Variants in PDE10A observed in about 807,000 individuals in gnomAD.
PDE10A encodes cAMP and cAMP-inhibited cGMP 3',5'-cyclic phosphodiesterase 10A.
In PDE10A, 39 loss-of-function variants were observed where a neutral mutation model predicts 97.7. The observed-to-expected ratio is 0.40, with a 90% CI of 0.31 to 0.52. The LOEUF is 0.52. Among genes scored for constraint, PDE10A ranks in the 20% least tolerant of loss-of-function variants. PDE10A has a pLI of 0.56. For synonymous variants in PDE10A, 371 were observed against 376.8 expected (o/e 0.98, Z 0.18); for missense variants, 731 against 1,047.8 (o/e 0.70, Z 4.17).
At chr6:165,848,080 T>A (rs751975087) in intron 1 of PDE10A, among the ~76,000 whole-genome samples, 1 of 88,116 alleles carries the variant, frequency 1.1e-5, no homozygotes, top group East Asian at 3.6e-4. Context: ...TAAATTTCCA[T>A]ATGCTAGCTA....
intron 17 of PDE10A, among the ~76,000 whole-genome samples, chr6:165,381,486 T>C (rs2128208191): frequency 6.6e-6 from 1 of 152,274 alleles, no homozygotes; most frequent in Non-Finnish European, 1.5e-5. Flanking sequence ...CTCCCTTTTC[T>C]TTCTTTGAGA....
intron 1 of PDE10A, among the ~76,000 whole-genome samples, chr6:165,569,794 T>C (rs1480300551): frequency 6.6e-6 from 1 of 152,160 alleles, no homozygotes; most frequent in Non-Finnish European, 1.5e-5. Flanking sequence ...TTGAAGGAAA[T>C]GCAGAACTGC....
At chr6:165,490,151 T>C (rs1780146137) in intron 2 of PDE10A, among the ~76,000 whole-genome samples, 1 of 152,194 alleles carries the variant, frequency 6.6e-6, no homozygotes, top group African/African-American at 2.4e-5. Context: ...CATCGGATTA[T>C]CTACAGTCAA....
intron 1 of PDE10A, among the ~76,000 whole-genome samples, chr6:165,707,587 TGTGTGA>T (rs1215951792): frequency 6.6e-6 from 1 of 152,100 alleles, no homozygotes; most frequent in African/African-American, 2.4e-5. Flanking sequence ...GCACTGTGTG[TGTGTGA>T]GTGTGTGACA....
chr6:165,920,364 CCTT>C (rs1782720500), intron 1 of PDE10A, among the ~76,000 whole-genome samples: 1 of 152,182 alleles, frequency 6.6e-6, no homozygotes, highest in South Asian at 2.1e-4. Flanking sequence ...TGCCCTTACT[CCTT>C]CTTTCAAAAA....
intron 1 of PDE10A, among the ~76,000 whole-genome samples, chr6:165,722,887 C>T (rs553384682): frequency 2.0e-3 from 306 of 150,630 alleles, no homozygotes; most frequent in African/African-American, 7.3e-3. Flanking sequence ...TATATATACA[C>T]ACACACACAC....
intron 1 of PDE10A, among the ~76,000 whole-genome samples, chr6:165,835,064 G>A (rs1168665786): frequency 1.3e-5 from 2 of 152,132 alleles, no homozygotes; most frequent in Admixed American, 6.5e-5. Flanking sequence ...GTCATTCAGC[G>A]GGAGGCAGTG....
At chr6:165,483,040 T>A (rs1779697661) in intron 2 of PDE10A, among the ~76,000 whole-genome samples, 3 of 152,176 alleles carry the variant, frequency 2.0e-5, no homozygotes, top group Admixed American at 2.0e-4. Context: ...GGCAGATACC[T>A]CCTCTTGGTC....
At chr6:165,721,274 C>T (rs774597366) in intron 1 of PDE10A, among the ~76,000 whole-genome samples, 16 of 152,162 alleles carry the variant, frequency 1.1e-4, no homozygotes, top group Non-Finnish European at 1.9e-4. Context: ...TCATCCCTTC[C>T]CCTGAACCTA....
chr6:165,366,745 T>C (rs1783795588), intron 18 of PDE10A, among the ~76,000 whole-genome samples: 1 of 152,054 alleles, frequency 6.6e-6, no homozygotes, highest in South Asian at 2.1e-4. Context: ...GTCCCCAAAT[T>C]GGAATTCATA....
chr6:165,560,976 T>G (rs1336878932), intron 1 of PDE10A, among the ~76,000 whole-genome samples: 1 of 152,160 alleles, frequency 6.6e-6, no homozygotes, highest in African/African-American at 2.4e-5. Context: ...TCCCAGCACT[T>G]TGGGAGGTTG....
chr6:165,664,687 C>T (rs2128434153), upstream of PDE10A, among the ~76,000 whole-genome samples: 1 of 152,316 alleles, frequency 6.6e-6, no homozygotes. Context: ...CGTGCAGAGT[C>T]CACTCCGGTT....
At chr6:165,694,684 C>A (rs1791398850) in intron 1 of PDE10A, among the ~76,000 whole-genome samples, 1 of 152,190 alleles carries the variant, frequency 6.6e-6, no homozygotes, top group Non-Finnish European at 1.5e-5. Flanking sequence ...AATTTCTGTC[C>A]AGCTGTAAGC....
At chr6:165,665,992 G>A (rs1421595530), upstream of PDE10A, among the ~76,000 whole-genome samples, 1 of 152,158 alleles carries the variant, frequency 6.6e-6, no homozygotes, top group Non-Finnish European at 1.5e-5. Context: ...CTGCCTGATT[G>A]TTAATTTGGA....
At chr6:165,525,204 A>G (rs972289252) in intron 2 of PDE10A, among the ~76,000 whole-genome samples, 1 of 152,128 alleles carries the variant, frequency 6.6e-6, no homozygotes, top group African/African-American at 2.4e-5. Context: ...GAGTTATCTA[A>G]TTTATATAAA....
intron 1 of PDE10A, among the ~76,000 whole-genome samples, chr6:165,957,353 T>C (rs905685221): frequency 6.6e-6 from 1 of 152,050 alleles, no homozygotes; most frequent in African/African-American, 2.4e-5. Flanking sequence ...TGGTGGCACA[T>C]GTCTGTAGTC....
At chr6:165,824,843 C>A (rs759715611) in intron 1 of PDE10A, among the ~76,000 whole-genome samples, 139 of 151,676 alleles carry the variant, frequency 9.2e-4, no homozygotes, top group Non-Finnish European at 1.3e-3. Context: ...GAAAGGGGTG[C>A]ATTTGGCTGG....
chr6:165,451,985 T>C (rs1268179417), intron 3 of PDE10A, among the ~76,000 whole-genome samples: 1 of 152,184 alleles, frequency 6.6e-6, no homozygotes. Flanking sequence ...CTGGTATATA[T>C]TCAAAGGCTT....
At chr6:165,612,615 T>C (rs1156535965) in intron 1 of PDE10A, among the ~76,000 whole-genome samples, 1 of 152,172 alleles carries the variant, frequency 6.6e-6, no homozygotes, top group Non-Finnish European at 1.5e-5. Context: ...GGTGATCTAC[T>C]TGCTTTGCCT....
Sources: gnomAD v4.1 joint callset for allele counts (sites outside exome capture counted in the v4.1 genomes callset) on GRCh38, gnomAD v4.1.1 for gene constraint, MANE v1.5 for transcripts, NCBI Gene and HGNC (gene_info 2026-07-23, HGNC 2026-07-21) for gene names.